The following SRGAP2C variants were observed in gnomAD, a reference collection of about 807,000 sequenced individuals.
The protein encoded by SRGAP2C is SLIT-ROBO Rho GTPase-activating protein 2C.
A neutral mutation model predicts 25.1 loss-of-function variants in SRGAP2C; 15 were observed. The observed-to-expected ratio is 0.60, with a 90% CI of 0.40 to 0.92. The LOEUF (loss-of-function observed/expected upper bound fraction) is 0.92, where lower values mean the gene tolerates loss of function less well. SRGAP2C is among the 40% of genes least tolerant of loss of function. SRGAP2C has a pLI of 0.00. For missense variants in SRGAP2C, 144 were observed against 264.4 expected (o/e 0.54, Z 3.16); for synonymous variants, 44 against 96.6 (o/e 0.46, Z 3.19).
chr1:121,204,672 A>C (rs1655074463), intron 2 of SRGAP2C, among the ~76,000 whole-genome samples: 2 of 152,220 alleles, frequency 1.3e-5, no homozygotes, highest in South Asian at 4.1e-4. Flanking sequence ...ATTGTTGACG[A>C]TTATAGGTTG....
At position 121,291,141 on chromosome 1, in the gene SRGAP2C, G is replaced by C. The variant is rs1305804953; in HGVS notation, c.260+6146G>C. ...AAAAAAAAAGTGGGGGGAGTGGAAA[G>C]GAAGTAGGAATATATTCAGAAGGTA... On this transcript the variant is annotated intron_variant, in intron 3 of 9. Transcript: ENST00000367123. Among the ~76,000 whole-genome samples the C allele has an allele frequency of 7.7e-5, 10 of 129,576 alleles. 1 individual carries two copies. Among genetic ancestry groups the C allele is most frequent in the Admixed American group, 1.6e-4 (2 of 12,524 alleles). 85.0% of individuals were successfully genotyped at this position (129,576 alleles called of 152,430 possible).
intron 2 of SRGAP2C, among the ~76,000 whole-genome samples, chr1:121,263,239 G>C (rs1179112534): frequency 6.6e-6 from 1 of 150,572 alleles, no homozygotes; most frequent in Admixed American, 6.7e-5. Context: ...CATGGGAATC[G>C]CTTGAGCCCA....
chr1:121,319,544 C>T (rs1343524244), intron 3 of SRGAP2C, among the ~76,000 whole-genome samples: 123 of 151,038 alleles, frequency 8.1e-4, no homozygotes, highest in African/African-American at 2.9e-3. Context: ...TCCCTTTAAG[C>T]GCTTGTTGCT....
In SRGAP2C at chr1:121,284,937, G is replaced by C; in HGVS notation, c.202G>C (p.Glu68Gln). ...EIEMDYSRNLEKLAEHFLAKT... is the reference protein window; with the variant it reads ...EIEMDYSRNLQKLAEHFLAKT... The stretch of plus-strand genomic sequence containing the variant: ...TGAGATGGACTACTCCCGCAACCTG[G>C]AGAAGCTGGCAGAACACTTCCTGGC... Residue 68 changes from glutamate to glutamine, a missense_variant, in exon 3 of 10, where the codon GAG (glutamate) becomes CAG (glutamine). Glu to Gln is a conservative substitution (Grantham distance 29). Around this residue, in one of 5 missense-constraint regions of SRGAP2C, gnomAD observed 61 missense variants for 61.7 expected, o/e 0.99. Transcript: ENST00000367123. 1 of 1,547,886 alleles carries C rather than the reference G, an allele frequency of 6.5e-7. No homozygotes were observed. Among genetic ancestry groups the C allele is most frequent in the African/African-American group, 1.4e-5 (1 of 72,932 alleles).
chr1:121,221,860 C>T (rs1427603860), intron 2 of SRGAP2C, among the ~76,000 whole-genome samples: 4 of 151,240 alleles, frequency 2.6e-5, no homozygotes, highest in South Asian at 4.2e-4. Context: ...GTGCTGTACT[C>T]ATCACTATAG....
At chr1:121,278,174 T>A (rs1657155330) in intron 2 of SRGAP2C, among the ~76,000 whole-genome samples, 3 of 151,922 alleles carry the variant, frequency 2.0e-5, no homozygotes, top group Admixed American at 2.0e-4. Context: ...CTGGAACTCC[T>A]GAGCTCTAGT....
At chr1:121,375,749 G>A (rs1176653117) in intron 7 of SRGAP2C, among the ~76,000 whole-genome samples, 3 of 151,650 alleles carry the variant, frequency 2.0e-5, no homozygotes, top group African/African-American at 7.3e-5. Context: ...AAGGTTTCTC[G>A]GTGTTAACTC....
At chr1:121,213,294 C>T (rs587668432) in intron 2 of SRGAP2C, among the ~76,000 whole-genome samples, 364 of 150,156 alleles carry the variant, frequency 2.4e-3, no homozygotes, top group Middle Eastern at 3.4e-3. Context: ...AATCCACCTG[C>T]CTCTGCCTCC....
intron 3 of SRGAP2C, among the ~76,000 whole-genome samples, chr1:121,285,416 A>ACACACT (rs1270300538): frequency 6.7e-6 from 1 of 148,424 alleles, no homozygotes; most frequent in African/African-American, 2.5e-5. Flanking sequence ...ACACACACAC[A>ACACACT]CACACACACT....
At chr1:121,329,221 A>AAG (rs1310779675) in intron 4 of SRGAP2C, among the ~76,000 whole-genome samples, 1 of 151,670 alleles carries the variant, frequency 6.6e-6, no homozygotes, top group African/African-American at 2.4e-5. Flanking sequence ...AGAAAAAAAG[A>AAG]AGAGAGAGAG....
chr1:121,278,952 A>G (rs1199801466), intron 2 of SRGAP2C, among the ~76,000 whole-genome samples: 3 of 152,120 alleles, frequency 2.0e-5, no homozygotes, highest in South Asian at 4.1e-4. Flanking sequence ...CTTATGTAAC[A>G]TTCTCTGGAA....
chr1:121,384,934 G>A (rs1479028404), intron 8 of SRGAP2C, among the ~76,000 whole-genome samples: 4 of 152,192 alleles, frequency 2.6e-5, no homozygotes, highest in Non-Finnish European at 4.4e-5. Context: ...CTCCCTTTAT[G>A]TAATATAGCT....
In SRGAP2C at chr1:121,278,102, C is replaced by T. The variant is rs1199938483; in HGVS notation, c.68-6701C>T. Among the ~76,000 whole-genome samples the T allele has an allele frequency of 3.3e-3, 507 of 151,578 alleles. 12 individuals carry two copies. Among genetic ancestry groups the T allele is most frequent in the East Asian group, 6.4e-3 (33 of 5,158 alleles). On this transcript the variant is annotated intron_variant, in intron 2 of 9. Transcript: ENST00000367123. ...ACTAAAGGCATGCACCACCTCCCCC[C>T]GCCAGCTAACTTAAAAAAAAAATTT...
At chr1:121,322,014 C>T (rs1553341180) in intron 3 of SRGAP2C, among the ~76,000 whole-genome samples, 1 of 148,808 alleles carries the variant, frequency 6.7e-6, no homozygotes, top group African/African-American at 2.5e-5. Flanking sequence ...ACTTTTATAA[C>T]CACTAAAGCA....
Position 121,391,464 on chromosome 1 carries a change from C to T in SRGAP2C, c.*3609C>T, listed in dbSNP as rs1397130608. On this transcript the variant is annotated 3_prime_UTR_variant, in exon 10 of 10. Transcript: ENST00000367123. ...AAAGCCAGTCTGCATGGCCTACAGA[C>T]ATATTTTGCTGGACAATGATTACTT... 1.3e-5 allele frequency: 2 copies of T among 152,254 alleles called. No individual in the cohort carries two copies. The highest frequency in any genetic ancestry group is 4.8e-5 in the African/African-American group (2 of 41,462). 9.4% of individuals were successfully genotyped at this position (152,254 alleles called of 1,614,324 possible).
intron 2 of SRGAP2C, among the ~76,000 whole-genome samples, chr1:121,260,131 T>C (rs1308242620): frequency 6.8e-6 from 1 of 146,958 alleles, no homozygotes; most frequent in Non-Finnish European, 1.5e-5. Flanking sequence ...CTTCCTAAAG[T>C]ACTGGGATTA....
At position 121,391,514 on chromosome 1, in the gene SRGAP2C, T is replaced by C. The variant is rs1336113620; in HGVS notation, c.*3659T>C. 6.6e-6 allele frequency: 1 copy of C among 152,314 alleles called. No individual in the cohort carries two copies. The highest frequency in any genetic ancestry group is 1.5e-5 in the Non-Finnish European group (1 of 68,060). The allele number at this position is 152,314 out of a possible 1,614,324, so 9.4% of individuals were successfully genotyped here. ...TGCTTTTCTTTTTGTTTTTCTTGTA[T>C]ATGCCTGTTTGATTGGTTCCTGACA... On this transcript the variant is annotated 3_prime_UTR_variant, in exon 10 of 10. Coordinates refer to ENST00000367123, the MANE Select transcript of SRGAP2C (RefSeq NM_001329984.2).
intron 2 of SRGAP2C, among the ~76,000 whole-genome samples, chr1:121,270,229 T>C (rs587650244): frequency 7.3e-5 from 11 of 151,576 alleles, no homozygotes; most frequent in South Asian, 4.2e-4. Flanking sequence ...CTTCTCCTAA[T>C]ATTCTTGGAT....
At chr1:121,329,339 AGAG>A (rs1422471391) in intron 4 of SRGAP2C, among the ~76,000 whole-genome samples, 1 of 151,464 alleles carries the variant, frequency 6.6e-6, no homozygotes, top group Admixed American at 6.6e-5. Context: ...TATGTTGTAC[AGAG>A]AAGAGAAAAT....
Sources: allele counts gnomAD v4.1 joint callset (sites outside exome capture counted in the v4.1 genomes callset), GRCh38; gene constraint gnomAD v4.1.1; regional missense constraint gnomAD v4.1.1; transcripts MANE v1.5; gene names NCBI Gene and HGNC (gene_info 2026-07-23, HGNC 2026-07-21).